GBF1: variants seen among roughly 807,000 people sequenced by gnomAD.
The protein encoded by GBF1 is golgi brefeldin A resistant guanine nucleotide exchange factor 1.
A neutral mutation model predicts 210.5 loss-of-function variants in GBF1; 114 were observed. The ratio of observed to expected loss-of-function variants is 0.54; its 90% CI spans 0.47 to 0.63. The LOEUF (loss-of-function observed/expected upper bound fraction) is 0.63. GBF1 is among the 30% of genes least tolerant of loss of function. GBF1 has a pLI of 0.00. For synonymous variants in GBF1, 850 were observed against 889.2 expected (o/e 0.96, Z 0.78); for missense variants, 1,851 against 2,357.7 (o/e 0.79, Z 4.45).
intron 1 of GBF1, among the ~76,000 whole-genome samples, chr10:102,247,195 T>C (rs2070949847): frequency 6.6e-6 from 1 of 152,190 alleles, no homozygotes; most frequent in African/African-American, 2.4e-5. Context: ...AATGACTAAC[T>C]CAATTTTTCC....
Position 102,367,478 on chromosome 10 carries a change from G to GAT in GBF1, c.2561_2562insTA (p.Glu854AspfsTer7). 1 of 1,600,520 alleles carries GAT rather than the reference G, an allele frequency of 6.2e-7. No homozygotes were observed. Among genetic ancestry groups the GAT allele is most frequent in the Non-Finnish European group, 8.6e-7 (1 of 1,167,548 alleles). On this transcript the variant is annotated frameshift_variant and splice_region_variant, in exon 21 of 40. Transcript: ENST00000369983. LOFTEE classifies it high-confidence loss of function. ...AAAAAACTTACTGGCCTGTCTCTAG[G>GAT]AGTTTCGCAAAAATCTGAAAGGTGT...
chr10:102,258,376 G>A (rs1026776028), intron 1 of GBF1, among the ~76,000 whole-genome samples: 6 of 149,692 alleles, frequency 4.0e-5, no homozygotes, highest in Non-Finnish European at 8.9e-5. Flanking sequence ...GGCTGGTCTT[G>A]AGCTCCCGAC....
intron 3 of GBF1, among the ~76,000 whole-genome samples, chr10:102,282,092 A>C (rs2075549924): frequency 8.0e-6 from 1 of 124,646 alleles, no homozygotes; most frequent in South Asian, 3.2e-4. Flanking sequence ...ACACCCGGCT[A>C]ATTTTTTTTT....
At chr10:102,285,925 T>C (rs889341729) in intron 3 of GBF1, among the ~76,000 whole-genome samples, 9 of 152,180 alleles carry the variant, frequency 5.9e-5, no homozygotes, top group Non-Finnish European at 1.0e-4. Flanking sequence ...CCTTGAAATA[T>C]TATAAATCAG....
chr10:102,259,752 G>C (rs970454909), intron 2 of GBF1, among the ~76,000 whole-genome samples: 2 of 152,188 alleles, frequency 1.3e-5, no homozygotes, highest in Non-Finnish European at 2.9e-5. Flanking sequence ...TGAAAAGGGA[G>C]AGAAGACAGA....
At chr10:102,321,605 T>C (rs911221275) in intron 3 of GBF1, among the ~76,000 whole-genome samples, 1 of 152,236 alleles carries the variant, frequency 6.6e-6, no homozygotes, top group African/African-American at 2.4e-5. Context: ...AGTCTCGCTC[T>C]ACTACCCAGG....
rs1315283144 is a variant in GBF1, at chr10:102,379,332, A to G, written c.4543A>G (p.Ser1515Gly). 6 of 1,613,822 alleles carry G rather than the reference A, an allele frequency of 3.7e-6. No homozygotes were observed. The highest frequency in any genetic ancestry group is 4.2e-6 in the Non-Finnish European group (5 of 1,179,934). ...TLHTRAASIY[S>G]SWAEEQRHLE... ...GCACACGCGGGCAGCCTCTATCTAC[A>G]GCTCATGGGCGGAGGAGCAACGCCA... The change falls in exon 34 of 40, where the codon AGC becomes GGC. Residue 1515 changes from serine (S) to glycine (G), a missense_variant. Physicochemically the swap from Ser to Gly is moderately conservative, Grantham distance 56. This residue lies in a region of GBF1 where 967 missense variants were observed against 1,247.7 expected (regional missense o/e 0.78). Coordinates refer to ENST00000369983, the MANE Select transcript of GBF1 (RefSeq NM_001377137.1).
At chr10:102,312,523 C>T (rs2078555428) in intron 3 of GBF1, among the ~76,000 whole-genome samples, 1 of 152,274 alleles carries the variant, frequency 6.6e-6, no homozygotes, top group East Asian at 1.9e-4. Flanking sequence ...ATTCAATAAT[C>T]TTTGTTGGTA....
intron 3 of GBF1, among the ~76,000 whole-genome samples, chr10:102,336,299 C>CAAAAAAAAAAAAA (rs566414701): frequency 4.1e-5 from 2 of 49,004 alleles, no homozygotes; most frequent in Non-Finnish European, 8.7e-5. Flanking sequence ...GACTTTGTCT[C>CAAAAAAAAAAAAA]AAAAAAAAAA....
At chr10:102,255,455 A>T (rs954157027) in intron 1 of GBF1, among the ~76,000 whole-genome samples, 3 of 152,238 alleles carry the variant, frequency 2.0e-5, no homozygotes, top group African/African-American at 7.2e-5. Context: ...ATTAAAATTT[A>T]AAAGTAGTTA....
At chr10:102,256,196 C>G (rs1332936567) in intron 1 of GBF1, among the ~76,000 whole-genome samples, 1 of 152,204 alleles carries the variant, frequency 6.6e-6, no homozygotes, top group East Asian at 1.9e-4. Flanking sequence ...CTGCCCACCT[C>G]AGCCTTCCAA....
chr10:102,376,533 TC>T (rs753127167), intron 31 of GBF1, 26 bp from the exon 32 acceptor site: 3 of 1,613,264 alleles, frequency 1.9e-6, no homozygotes, highest in Non-Finnish European at 2.5e-6. Flanking sequence ...CAAGCCTGTG[TC>T]CCCAGCTCCT....
rs752258883 is a variant in GBF1, at chr10:102,361,037, C to T, written c.1408C>T (p.Arg470Ter). 3 of 1,577,064 alleles carry T rather than the reference C, an allele frequency of 1.9e-6. No individual in the cohort carries two copies. The highest frequency in any genetic ancestry group is 2.2e-5 in the East Asian group (1 of 44,676). The change falls in exon 13 of 40, where the codon CGA becomes TGA. Residue 470 changes from arginine to a stop codon, truncating the protein, a stop_gained. Transcript: ENST00000369983. LOFTEE classifies it high-confidence loss of function. ...TCATCTCCAGCTACTCAGCATAGAG[C>T]GACTAAACCTTTATGCTGCTTCCCT... Reference protein sequence around the residue: ...RHLFQLLSIERLNLYAASLRV... With the variant: ...RHLFQLLSIE
chr10:102,251,720 A>G (rs984968967), intron 1 of GBF1, among the ~76,000 whole-genome samples: 1 of 151,716 alleles, frequency 6.6e-6, no homozygotes, highest in Non-Finnish European at 1.5e-5. Context: ...CACCTGGCCA[A>G]TTTTTCTTTA....
chr10:102,380,655 A>C lies in GBF1; in HGVS notation c.5142A>C (p.Arg1714=). 6.2e-7 allele frequency: 1 copy of C among 1,613,528 alleles called. No individual in the cohort carries two copies. The highest frequency in any genetic ancestry group is 8.5e-7 in the Non-Finnish European group (1 of 1,179,724). ...TTGACTGTTTTCTCCCTCACCTACG[A>C]GATGAACTCTTCAAGCAGACCGTCA... is the stretch of plus-strand genomic sequence containing the variant. The part of the protein sequence containing the change: ...ERIDCFLPHL[R]DELFKQTVIQ... The change falls in exon 38 of 40, where the codon CGA becomes CGC. Residue 1714 remains arginine, a synonymous_variant. Coordinates refer to ENST00000369983, the MANE Select transcript of GBF1 (RefSeq NM_001377137.1).
the GBF1 span, chr10:102,231,503 G>T: frequency 1.1e-6 from 1 of 890,308 alleles, no homozygotes. Context: ...GGAGGGGGCA[G>T]GTGGGGTGGA....
At chr10:102,296,740 CAAA>C (rs77875610) in intron 3 of GBF1, among the ~76,000 whole-genome samples, 1 of 102,918 alleles carries the variant, frequency 9.7e-6, no homozygotes. Flanking sequence ...GACTCTGTCT[CAAA>C]AAAAAAAAAA....
In GBF1 at chr10:102,380,341, C is replaced by T. The variant is rs200756597; in HGVS notation, c.4971C>T (p.His1657=). Residue 1657 remains histidine, a synonymous_variant, in exon 37 of 40, where the codon CAC becomes CAT. Transcript: ENST00000369983. ...TGGACTTCATGGACAAGTACATGCA[C>T]GCAGGCTCCAGCGACTTACTGGTAT... is the stretch of plus-strand genomic sequence containing the variant. ...TILDFMDKYM[H]AGSSDLLSEA... is the part of the protein sequence containing the mutation. 142 of 1,612,924 alleles carry T rather than the reference C, an allele frequency of 8.8e-5. No individual in the cohort carries two copies. The highest frequency in any genetic ancestry group is 5.1e-4 in the African/African-American group (38 of 74,970).
intron 3 of GBF1, among the ~76,000 whole-genome samples, chr10:102,293,764 G>GTTTTTTTTTTATTTTTTTTTTT (rs1263151407): frequency 2.0e-5 from 1 of 50,888 alleles, no homozygotes; most frequent in Non-Finnish European, 4.2e-5. Flanking sequence ...GCTGTAGTAT[G>GTTTTTTTTTTATTTTTTTTTTT]TTTTGTGTTT....
Sources: gnomAD v4.1 joint callset for allele counts (sites outside exome capture counted in the v4.1 genomes callset) on GRCh38, gnomAD v4.1.1 for gene constraint, gnomAD v4.1.1 regional missense constraint, MANE v1.5 for transcripts, NCBI Gene and HGNC (gene_info 2026-07-23, HGNC 2026-07-21) for gene names.